Variants in PTPRD observed in about 807,000 individuals in gnomAD.
PTPRD encodes the protein receptor-type tyrosine-protein phosphatase delta.
PTPRD carries 34 observed loss-of-function variants against 214.5 expected under a neutral mutation model. That is an observed-to-expected ratio of 0.16 (90% CI 0.12 to 0.21). PTPRD has a LOEUF of 0.21. Among genes scored for constraint, PTPRD ranks in the 10% least tolerant of loss-of-function variants. The pLI, the probability that PTPRD is intolerant of heterozygous loss-of-function variation, is 1.00. For missense variants in PTPRD, 2,545 were observed against 2,398.7 expected, an observed-to-expected ratio of 1.06 and a Z score of -1.27; for synonymous variants, 1,128 against 845.7, an observed-to-expected ratio of 1.33 and a Z score of -5.79.
intron 11 of PTPRD, among the ~76,000 whole-genome samples, chr9:8,976,407 T>C (rs1197850063): frequency 6.6e-6 from 1 of 152,096 alleles, no homozygotes; most frequent in Non-Finnish European, 1.5e-5. Context: ...TATGTTCTTT[T>C]GCTGTGCCAA....
intron 9 of PTPRD, among the ~76,000 whole-genome samples, chr9:9,362,354 G>A (rs180875714): frequency 2.0e-5 from 3 of 151,054 alleles, no homozygotes; most frequent in Non-Finnish European, 3.0e-5. Context: ...GGAAACATAC[G>A]TAAGGTTTTG....
intron 8 of PTPRD, among the ~76,000 whole-genome samples, chr9:9,500,537 A>C (rs2096375377): frequency 6.6e-6 from 1 of 152,014 alleles, no homozygotes; most frequent in South Asian, 2.1e-4. Flanking sequence ...ATCAGGTAGG[A>C]GAGAGCTCTG....
intron 3 of PTPRD, among the ~76,000 whole-genome samples, chr9:10,275,048 G>A (rs7869585): frequency 0.6 from 91,116 of 151,786 alleles, 28,278 homozygotes; most frequent in East Asian, 0.72. Flanking sequence ...TGGAAATCAG[G>A]GCACTAGTTT....
intron 7 of PTPRD, among the ~76,000 whole-genome samples, chr9:9,628,637 T>C (rs2095494597): frequency 6.6e-6 from 1 of 152,142 alleles, no homozygotes; most frequent in South Asian, 2.1e-4. Context: ...AATACTATTT[T>C]CTTTAGAAAT....
chr9:10,101,964 G>T (rs1041325960), intron 3 of PTPRD, among the ~76,000 whole-genome samples: 2 of 151,646 alleles, frequency 1.3e-5, no homozygotes, highest in African/African-American at 4.8e-5. Context: ...AAAGCCATAT[G>T]TCAATTGGCC....
chr9:10,267,257 C>A (rs955360591), intron 3 of PTPRD, among the ~76,000 whole-genome samples: 1 of 149,862 alleles, frequency 6.7e-6, no homozygotes, highest in Non-Finnish European at 1.5e-5. Context: ...GTTACACCAA[C>A]ACTTTTGGAA....
At chr9:8,709,321 T>A (rs1180146678) in intron 12 of PTPRD, among the ~76,000 whole-genome samples, 1 of 151,918 alleles carries the variant, frequency 6.6e-6, no homozygotes, top group Non-Finnish European at 1.5e-5. Flanking sequence ...GAGACCATCC[T>A]GGCTAACACA....
chr9:10,589,553 G>A (rs1374247495), intron 2 of PTPRD, among the ~76,000 whole-genome samples: 2 of 152,050 alleles, frequency 1.3e-5, no homozygotes, highest in South Asian at 4.1e-4. Context: ...AGTAAAGGGG[G>A]AGAGACAGAC....
At chr9:9,275,082 A>AAT (rs1163948832) in intron 9 of PTPRD, among the ~76,000 whole-genome samples, 8 of 65,828 alleles carry the variant, frequency 1.2e-4, no homozygotes, top group Admixed American at 1.0e-3. Context: ...ATATATATAT[A>AAT]ATATATATGT....
intron 3 of PTPRD, among the ~76,000 whole-genome samples, chr9:10,085,257 A>G (rs935702324): frequency 3.9e-5 from 6 of 151,912 alleles, no homozygotes; most frequent in African/African-American, 1.4e-4. Context: ...ACGTGGCGAG[A>G]ATTTTTTAAA....
intron 9 of PTPRD, among the ~76,000 whole-genome samples, chr9:9,230,666 G>C (rs2099962536): frequency 6.6e-6 from 1 of 152,112 alleles, no homozygotes; most frequent in Non-Finnish European, 1.5e-5. Context: ...TTGGTGGAGA[G>C]TTGGAGAATT....
In PTPRD at chr9:8,499,798, T is replaced by C. The variant is rs763735791; in HGVS notation, c.2171A>G (p.Asn724Ser). 2.5e-6 allele frequency: 4 copies of C among 1,613,376 alleles called. No homozygotes were observed. Among genetic ancestry groups the C allele is most frequent in the East Asian group, 2.2e-5 (1 of 44,860 alleles). ...CCATGAGACTTTAACAGATGTTGAG[T>C]TGACAGCCTCTACCTCGACTTTGCG... is the stretch of plus-strand genomic sequence containing the variant. ...PPRKVEVEAV[N>S]STSVKVSWRS... The change falls in exon 25 of 46, where the codon AAC becomes AGC. Residue 724 changes from asparagine to serine, a missense_variant. Asn to Ser is a conservative substitution (Grantham distance 46). Coordinates refer to ENST00000381196, the MANE Select transcript of PTPRD (RefSeq NM_002839.4).
At chr9:10,167,285 G>C (rs1283052998) in intron 3 of PTPRD, among the ~76,000 whole-genome samples, 1 of 151,994 alleles carries the variant, frequency 6.6e-6, no homozygotes, top group Non-Finnish European at 1.5e-5. Flanking sequence ...GGCAATACAA[G>C]ATTAAAGCTG....
intron 11 of PTPRD, among the ~76,000 whole-genome samples, chr9:8,948,751 A>G (rs964665766): frequency 2.0e-5 from 3 of 149,890 alleles, no homozygotes; most frequent in Non-Finnish European, 4.4e-5. Context: ...GCTAGATTAG[A>G]TGCTTCCTAC....
intron 16 of PTPRD, 90 bp from the exon 17 acceptor site, chr9:8,526,734 T>A: frequency 9.4e-7 from 1 of 1,064,996 alleles, no homozygotes; most frequent in Non-Finnish European, 1.3e-6. Flanking sequence ...AAGAATTAAA[T>A]TAGATTTACA....
At position 9,781,708 on chromosome 9, in the gene PTPRD, CTCTA is replaced by C. The variant is rs372727797; in HGVS notation, c.-367-14861_-367-14858del. Reference sequence around the variant, plus strand: ...AACTTTCTCGAAAAGACTATTCTCTCTCTATCCAGTAGGTTTTTACACAATCCGA... The same window carrying C: ...AACTTTCTCGAAAAGACTATTCTCTCTCCAGTAGGTTTTTACACAATCCGA... On this transcript the variant is annotated intron_variant, in intron 5 of 45. Coordinates refer to ENST00000381196, the MANE Select transcript of PTPRD (RefSeq NM_002839.4). Among the ~76,000 whole-genome samples the C allele has an allele frequency of 1.7e-3, 255 of 152,234 alleles. 1 individual carries two copies. The highest frequency in any genetic ancestry group is 5.9e-3 in the African/African-American group (243 of 41,534).
chr9:8,549,516 C>T (rs1278848833), intron 14 of PTPRD, among the ~76,000 whole-genome samples: 1 of 152,126 alleles, frequency 6.6e-6, no homozygotes, highest in Non-Finnish European at 1.5e-5. Context: ...GTTTTCCACA[C>T]AGTAACATTT....
chr9:10,153,911 T>C (rs190285619), intron 3 of PTPRD, among the ~76,000 whole-genome samples: 112 of 152,272 alleles, frequency 7.4e-4, no homozygotes, highest in Admixed American at 7.2e-3. Context: ...GTTGATTCTA[T>C]GTCTTTGATA....
chr9:8,652,539 C>A (rs1329731807), intron 12 of PTPRD, among the ~76,000 whole-genome samples: 1 of 152,228 alleles, frequency 6.6e-6, no homozygotes, highest in Non-Finnish European at 1.5e-5. Context: ...TCCAACAGAG[C>A]TGCACTGACC....
Sources: gnomAD v4.1 joint callset for allele counts (sites outside exome capture counted in the v4.1 genomes callset) on GRCh38, gnomAD v4.1.1 for gene constraint, MANE v1.5 for transcripts, NCBI Gene and HGNC (gene_info 2026-07-23, HGNC 2026-07-21) for gene names.